MROH1: variants seen among roughly 807,000 people sequenced by gnomAD.
The protein encoded by MROH1 is maestro heat-like repeat-containing protein family member 1.
Under a neutral mutation model 116.5 loss-of-function variants are expected in MROH1, and 117 were observed. The ratio of observed to expected loss-of-function variants is 1.00; its 90% CI spans 0.86 to 1.17. The LOEUF (loss-of-function observed/expected upper bound fraction) is 1.17, where lower values mean the gene tolerates loss of function less well. Among genes scored for constraint, MROH1 ranks in the 50% most tolerant of loss-of-function variants. MROH1 has a pLI of 0.00. For missense variants in MROH1, 1,873 were observed against 1,338.5 expected (o/e 1.40, Z -6.23); for synonymous variants, 921 against 583.9 (o/e 1.58, Z -8.32).
At chr8:144,186,673 C>T (rs1272443044) in intron 7 of MROH1, among the ~76,000 whole-genome samples, 1 of 152,222 alleles carries the variant, frequency 6.6e-6, no homozygotes, top group East Asian at 1.9e-4. Context: ...TAGGGGCTGG[C>T]TCTGTCCTGA....
In MROH1 at chr8:144,244,762, G is replaced by A. The variant is rs939330180; in HGVS notation, c.2766+223G>A. ...GGACCTCTGGAGCCTGTCCTCTCCCGCCACTGCATGGCGCGGGGATGGAGG... is the reference window on the plus strand; with the variant it reads ...GGACCTCTGGAGCCTGTCCTCTCCCACCACTGCATGGCGCGGGGATGGAGG... On this transcript the variant is annotated intron_variant, in intron 28 of 43. Transcript: ENST00000326134. Among the ~76,000 whole-genome samples, 6 of 152,328 alleles carry A rather than the reference G, an allele frequency of 3.9e-5. No homozygotes were observed. In the South Asian group the frequency reaches 8.3e-4, roughly 21 times the overall value.
chr8:144,191,349 T>A (rs1588042295), intron 8 of MROH1, among the ~76,000 whole-genome samples: 2 of 152,162 alleles, frequency 1.3e-5, no homozygotes, highest in South Asian at 4.1e-4. Context: ...GGATTACAGG[T>A]GTGAGCCACC....
chr8:144,168,437 C>A lies in MROH1; in HGVS notation c.165C>A (p.Asp55Glu), dbSNP rs376945639. ...RACEEYLRQHDKLAHPYRAAV... is the reference protein window; with the variant it reads ...RACEEYLRQHEKLAHPYRAAV... ...GCGAGGAGTATCTGCGGCAGCATGA[C>A]AAGGTATGTGTGCTCCTTGGTGGGG... Residue 55 changes from aspartate (D) to glutamate (E), a missense_variant, in exon 4 of 44, where the codon GAC becomes GAA. By Grantham distance (45) the Asp-to-Glu change is conservative. Coordinates refer to ENST00000326134, the MANE Select transcript of MROH1 (RefSeq NM_032450.3). 6.2e-7 allele frequency: 1 copy of A among 1,605,704 alleles called. No individual in the cohort carries two copies. The highest frequency in any genetic ancestry group is 1.1e-5 in the South Asian group (1 of 90,054).
At chr8:144,153,921 T>C (rs1817443814) in intron 1 of MROH1, among the ~76,000 whole-genome samples, 1 of 151,512 alleles carries the variant, frequency 6.6e-6, no homozygotes, top group Non-Finnish European at 1.5e-5. Flanking sequence ...CCACCACACC[T>C]GGCTAATATT....
intron 10 of MROH1, among the ~76,000 whole-genome samples, chr8:144,197,110 C>A (rs1010674452): frequency 4.6e-5 from 7 of 152,082 alleles, no homozygotes; most frequent in Admixed American, 6.6e-5. Flanking sequence ...ACAACAACAA[C>A]AACAACAACA....
rs1843438245 is a variant in MROH1 at position 144,254,983 on chromosome 8, G to A, written c.3594+5G>A. 2.6e-6 allele frequency: 2 copies of A among 755,598 alleles called. No individual in the cohort carries two copies. The allele number at this position is 755,598 out of a possible 1,614,324, so 46.8% of individuals were successfully genotyped here. On this transcript the variant is annotated splice_donor_5th_base_variant and intron_variant, in intron 34 of 43. Transcript: ENST00000326134. ...GCCACGCTGCTGCCTCTCTCGGTGA[G>A]TCGGGCTCTCGGGGCCACCTTGACA... is the stretch of plus-strand genomic sequence containing the variant.
rs182765069 is a variant in MROH1, at chr8:144,171,393, C to T, written c.168+2953C>T. Among the ~76,000 whole-genome samples the T allele has an allele frequency of 1.9e-3, 284 of 152,308 alleles. 2 individuals carry two copies. The highest frequency in any genetic ancestry group is 5.0e-3 in the African/African-American group (206 of 41,572). On this transcript the variant is annotated intron_variant, in intron 4 of 43. Coordinates refer to ENST00000326134, the MANE Select transcript of MROH1 (RefSeq NM_032450.3). ...ACGCTTGGGCAGGAATGGGGAGGGGCGCGGAGCTCCCGGGCCCTCCTGGGA... is the reference window on the plus strand; with the variant it reads ...ACGCTTGGGCAGGAATGGGGAGGGGTGCGGAGCTCCCGGGCCCTCCTGGGA...
At chr8:144,203,528 G>GGCCCGGAGAGGAGC (rs1307484796) in intron 12 of MROH1, among the ~76,000 whole-genome samples, 1 of 151,642 alleles carries the variant, frequency 6.6e-6, no homozygotes, top group Admixed American at 6.6e-5. Context: ...TCTGTGGAGT[G>GGCCCGGAGAGGAGC]GCCCGGAGAG....
In MROH1 at chr8:144,255,523, G is replaced by C. The variant is rs1036716375; in HGVS notation, c.3609G>C (p.Leu1203=). The change falls in exon 35 of 44, where the codon CTG becomes CTC. Residue 1203 remains leucine, a synonymous_variant. Transcript: ENST00000326134. ...TLLPLSATCA[L]FEVMSTPAAG... ...TTCTCCCCCAGGCTACCTGTGCACT[G>C]TTTGAGGTCATGTCCACGCCTGCAG... 1 of 779,100 alleles carries C rather than the reference G, an allele frequency of 1.3e-6. No homozygotes were observed. 48.3% of individuals were successfully genotyped at this position (779,100 alleles called of 1,614,324 possible). A position where few individuals can be genotyped will look rare whatever the true frequency, so the allele number is the denominator to read the frequency against.
chr8:144,200,590 A>T, intron 12 of MROH1, 49 bp downstream of exon 12: 2 of 1,294,444 alleles, frequency 1.5e-6, no homozygotes, highest in Non-Finnish European at 2.2e-6. Context: ...CATGTCCAGG[A>T]TGGAGCAGGT....
chr8:144,173,880 A>G (rs1421437019), intron 4 of MROH1, among the ~76,000 whole-genome samples: 1 of 152,184 alleles, frequency 6.6e-6, no homozygotes, highest in Admixed American at 6.6e-5. Flanking sequence ...GAATGAGGAT[A>G]CAGTGGACAT....
At chr8:144,178,636 C>G (rs577890046) in intron 4 of MROH1, among the ~76,000 whole-genome samples, 3 of 152,174 alleles carry the variant, frequency 2.0e-5, no homozygotes, top group African/African-American at 4.8e-5. Context: ...GCCTCTGGGC[C>G]GCCCTGTGCC....
In MROH1 at chr8:144,238,871, C is replaced by A; in HGVS notation, c.1446+8C>A. On this transcript the variant is annotated splice_region_variant and intron_variant, in intron 15 of 43. Transcript: ENST00000326134. ...GTGGACAGGATGAGTCACGTGAGTG[C>A]ACGGCACCCGTCCCTGCCTGGCGAC... The A allele has an allele frequency of 1.3e-6, 1 of 772,474 alleles. No individual in the cohort carries two copies. Among genetic ancestry groups the A allele is most frequent in the Middle Eastern group, 2.5e-4 (1 of 3,968 alleles). 47.9% of individuals were successfully genotyped at this position (772,474 alleles called of 1,614,324 possible). A position where few individuals can be genotyped will look rare whatever the true frequency, so the allele number is the denominator to read the frequency against.
chr8:144,216,830 C>G lies in MROH1; in HGVS notation c.1142-3770C>G, dbSNP rs142440512. 4.6e-3 allele frequency among the ~76,000 whole-genome samples: 700 copies of G among 152,092 alleles called. 2 individuals carry two copies. The highest frequency in any genetic ancestry group is 0.016 in the African/African-American group (673 of 41,496). On this transcript the variant is annotated intron_variant, in intron 12 of 43. Coordinates refer to ENST00000326134, the MANE Select transcript of MROH1 (RefSeq NM_032450.3). ...TCAGCTTCCCGAGTAGCTGGGATTA[C>G]AGGCACCTGCCACCACATCCGGCTA...
At position 144,255,592 on chromosome 8, in the gene MROH1, G is replaced by A. The variant is rs1843594092; in HGVS notation, c.3678G>A (p.Val1226=). The part of the protein sequence containing the change: ...VLELYPQLFV[V]LLLRVSCTVG... ...AGCTCTACCCCCAGCTGTTTGTGGT[G>A]CTTCTGCTGCGCGTCAGCTGCACCG... Residue 1226 remains valine, a synonymous_variant, in exon 35 of 44, where the codon GTG becomes GTA. Coordinates refer to ENST00000326134, the MANE Select transcript of MROH1 (RefSeq NM_032450.3). The A allele has an allele frequency of 3.9e-6, 3 of 778,938 alleles. No individual in the cohort carries two copies. Among genetic ancestry groups the A allele is most frequent in the African/African-American group, 3.4e-5 (2 of 59,120 alleles). 48.3% of individuals were successfully genotyped at this position (778,938 alleles called of 1,614,324 possible). A position where few individuals can be genotyped will look rare whatever the true frequency, so the allele number is the denominator to read the frequency against.
chr8:144,168,378 G>A lies in MROH1; in HGVS notation c.106G>A (p.Gly36Arg), dbSNP rs370172700. Residue 36 changes from glycine to arginine, a missense_variant, in exon 4 of 44, where the codon GGG (glycine) becomes AGG (arginine). Coordinates refer to ENST00000326134, the MANE Select transcript of MROH1 (RefSeq NM_032450.3). The stretch of plus-strand genomic sequence containing the variant: ...GGTCTGCAGTGCCCTGTGCTCCCTC[G>A]GGGAGGCGCGGCCGGTGGAGACGCT... The part of the protein sequence containing the change: ...EQVCSALCSL[G>R]EARPVETLRA... The A allele has an allele frequency of 2.2e-5, 36 of 1,611,582 alleles. No individual in the cohort carries two copies. The highest frequency in any genetic ancestry group is 1.1e-4 in the African/African-American group (8 of 74,914).
At chr8:144,168,253 G>A (rs764282414) in intron 3 of MROH1, 42 bp from the exon 4 acceptor site, 68 of 1,524,608 alleles carry the variant, frequency 4.5e-5, no homozygotes, top group Non-Finnish European at 5.0e-5. Flanking sequence ...ATAGGAGAGG[G>A]CGCTTGGGCC....
At chr8:144,177,387 A>T (rs1824277615) in intron 4 of MROH1, among the ~76,000 whole-genome samples, 1 of 152,222 alleles carries the variant, frequency 6.6e-6, no homozygotes. Context: ...GTCAACTTCA[A>T]ATAGTTTCTG....
At chr8:144,200,897 G>T in intron 12 of MROH1, 1 of 198,868 alleles carries the variant, frequency 5.0e-6, no homozygotes, top group Non-Finnish European at 1.0e-5. Context: ...GACACACTTT[G>T]GTTTAGTTTG....
Sources: gnomAD v4.1 joint callset for allele counts (sites outside exome capture counted in the v4.1 genomes callset) on GRCh38, gnomAD v4.1.1 for gene constraint, MANE v1.5 for transcripts, NCBI Gene and HGNC (gene_info 2026-07-23, HGNC 2026-07-21) for gene names.